SGMS1: variants seen among roughly 807,000 people sequenced by gnomAD.
The protein encoded by SGMS1 is phosphatidylcholine:ceramide cholinephosphotransferase 1.
SGMS1 carries 13 observed loss-of-function variants against 46.2 expected under a neutral mutation model. That is an observed-to-expected ratio of 0.28 (90% CI 0.18 to 0.45). The LOEUF is 0.45. SGMS1 is among the 20% of genes least tolerant of loss of function. The pLI, the probability that SGMS1 is intolerant of heterozygous loss-of-function variation, is 1.00. For missense variants in SGMS1, 324 were observed against 519.9 expected (o/e 0.62, Z 3.66); for synonymous variants, 203 against 187.8 (o/e 1.08, Z -0.66).
chr10:50,406,099 G>A (rs913027412), intron 6 of SGMS1, among the ~76,000 whole-genome samples: 1 of 152,102 alleles, frequency 6.6e-6, no homozygotes, highest in African/African-American at 2.4e-5. Context: ...GAGAAGAAGG[G>A]TGGTCTTGTT....
At chr10:50,378,889 G>A (rs543064600) in intron 6 of SGMS1, among the ~76,000 whole-genome samples, 17 of 152,254 alleles carry the variant, frequency 1.1e-4, no homozygotes, top group African/African-American at 3.4e-4. Flanking sequence ...ATTCTCAAAT[G>A]AGTAGGGAGG....
intron 9 of SGMS1, 29 bp downstream of exon 9, chr10:50,311,233 A>G (rs775295818): frequency 6.3e-7 from 1 of 1,597,340 alleles, no homozygotes; most frequent in Non-Finnish European, 8.5e-7. Context: ...GCAGGTGAGG[A>G]AATTACAATG....
chr10:50,622,381 C>T (rs1838860548), intron 1 of SGMS1, among the ~76,000 whole-genome samples: 1 of 152,172 alleles, frequency 6.6e-6, no homozygotes, highest in Non-Finnish European at 1.5e-5. Context: ...TCCTTCGGCC[C>T]ACTCAGTCCC....
chr10:50,528,595 C>T (rs1030140392), intron 2 of SGMS1, among the ~76,000 whole-genome samples: 2 of 152,216 alleles, frequency 1.3e-5, no homozygotes, highest in African/African-American at 2.4e-5. Flanking sequence ...CCCCACTGCA[C>T]ATATTGTGCT....
At chr10:50,311,656 A>G (rs1231807657) in intron 8 of SGMS1, among the ~76,000 whole-genome samples, 7 of 152,214 alleles carry the variant, frequency 4.6e-5, no homozygotes, top group African/African-American at 9.6e-5. Context: ...TTTTTAAAGC[A>G]CGTGTCAGTA....
chr10:50,599,471 C>CAT (rs1554795180), intron 1 of SGMS1, among the ~76,000 whole-genome samples: 1 of 150,624 alleles, frequency 6.6e-6, no homozygotes, highest in Non-Finnish European at 1.5e-5. Context: ...TGCTGGGAGC[C>CAT]TTTTTTTTTA....
intron 2 of SGMS1, among the ~76,000 whole-genome samples, chr10:50,565,366 G>T (rs1227710464): frequency 6.6e-6 from 1 of 152,146 alleles, no homozygotes; most frequent in Non-Finnish European, 1.5e-5. Flanking sequence ...CTGTAAAAAA[G>T]ATGACAATGT....
Position 50,344,212 on chromosome 10 carries a change from T to A in SGMS1, c.-98A>T. ...ACACTGTCCTGCCTCGGCTCGTTCA[T>A]CCTGTGGGGCCTCATGAGCAGAGAC... is the stretch of plus-strand genomic sequence containing the variant. On this transcript the variant is annotated 5_prime_UTR_variant, in exon 7 of 11. It removes an upstream start codon present in the reference 5' UTR. Coordinates refer to ENST00000361781, the MANE Select transcript of SGMS1 (RefSeq NM_147156.4). 1 of 1,463,686 alleles carries A rather than the reference T, an allele frequency of 6.8e-7. No individual in the cohort carries two copies. The highest frequency in any genetic ancestry group is 9.1e-7 in the Non-Finnish European group (1 of 1,102,714). The allele number at this position is 1,463,686 out of a possible 1,614,324, so 90.7% of individuals were successfully genotyped here.
intron 6 of SGMS1, among the ~76,000 whole-genome samples, chr10:50,386,447 T>C (rs938233372): frequency 7.9e-5 from 12 of 152,322 alleles, no homozygotes; most frequent in Middle Eastern, 3.4e-3. Context: ...CAGGATACTG[T>C]CATTACTAGC....
chr10:50,536,407 A>C (rs1176843075), intron 2 of SGMS1, among the ~76,000 whole-genome samples: 1 of 152,248 alleles, frequency 6.6e-6, no homozygotes, highest in African/African-American at 2.4e-5. Flanking sequence ...TTTAGATTTA[A>C]AATGATAGAA....
At chr10:50,624,082 CCGGGACCGAG>C (rs934322454), upstream of SGMS1, 19 of 985,114 alleles carry the variant, frequency 1.9e-5, no homozygotes, top group South Asian at 4.7e-5. Context: ...GGGGCTCCTC[CCGGGACCGAG>C]CGGGACCCCG....
chr10:50,466,228 A>C (rs1411993447), intron 4 of SGMS1, among the ~76,000 whole-genome samples: 5 of 152,168 alleles, frequency 3.3e-5, no homozygotes, highest in Non-Finnish European at 7.4e-5. Context: ...GAGTATAAAA[A>C]GAACAAAGAA....
chr10:50,454,091 T>C (rs1837159352), intron 5 of SGMS1, among the ~76,000 whole-genome samples: 1 of 146,384 alleles, frequency 6.8e-6, no homozygotes. Context: ...AGAAATGAGT[T>C]TTCCAGATAG....
chr10:50,590,580 T>A (rs551452864), intron 1 of SGMS1: 1 of 152,202 alleles, frequency 6.6e-6, no homozygotes, highest in Non-Finnish European at 1.5e-5. Context: ...GTTTTATATA[T>A]GTATACATTG....
intron 3 of SGMS1, among the ~76,000 whole-genome samples, chr10:50,496,236 T>A (rs905199167): frequency 6.6e-6 from 1 of 152,224 alleles, no homozygotes. Flanking sequence ...AAATAATTCT[T>A]TAATGGCTCT....
intron 2 of SGMS1, among the ~76,000 whole-genome samples, chr10:50,525,259 G>C (rs1042873141): frequency 2.0e-5 from 3 of 152,140 alleles, no homozygotes; most frequent in African/African-American, 7.2e-5. Context: ...GAAGATTAGT[G>C]AATAGGAAAA....
chr10:50,374,013 T>C lies in SGMS1; in HGVS notation c.-231-29668A>G, dbSNP rs1413126666. Reference sequence around the variant, plus strand: ...TTATGAAAGCACTCTGGCAAAGGCATAGCCACATCAATTGCACTGAAGACA... The same window carrying C: ...TTATGAAAGCACTCTGGCAAAGGCACAGCCACATCAATTGCACTGAAGACA... On this transcript the variant is annotated intron_variant, in intron 6 of 10. Transcript: ENST00000361781. 3.3e-5 allele frequency among the ~76,000 whole-genome samples: 5 copies of C among 152,194 alleles called. No homozygotes were observed. In the East Asian group the frequency reaches 7.7e-4, roughly 23 times the overall value.
At chr10:50,518,556 A>G (rs1837829657) in intron 3 of SGMS1, among the ~76,000 whole-genome samples, 1 of 152,024 alleles carries the variant, frequency 6.6e-6, no homozygotes, top group Non-Finnish European at 1.5e-5. Context: ...CCTCCCTAGT[A>G]GCTGAGATTA....
chr10:50,445,844 C>T (rs1564915790), intron 5 of SGMS1, among the ~76,000 whole-genome samples: 1 of 152,212 alleles, frequency 6.6e-6, no homozygotes, highest in Non-Finnish European at 1.5e-5. Flanking sequence ...TATTTCTCTT[C>T]TTTCAAAAGC....
Sources: gnomAD v4.1 joint callset for allele counts (sites outside exome capture counted in the v4.1 genomes callset) on GRCh38, gnomAD v4.1.1 for gene constraint, MANE v1.5 for transcripts, NCBI Gene and HGNC (gene_info 2026-07-23, HGNC 2026-07-21) for gene names.